Variants in ERC2 observed in about 807,000 individuals in gnomAD.
ERC2 encodes the protein ERC protein 2.
Under a neutral mutation model 114.8 loss-of-function variants are expected in ERC2, and 42 were observed. That is an observed-to-expected ratio of 0.37 (90% CI 0.29 to 0.47). The LOEUF is 0.47. Among genes scored for constraint, ERC2 ranks in the 20% least tolerant of loss-of-function variants. ERC2 has a pLI of 0.99. For missense variants in ERC2, 939 were observed against 1,150.7 expected, an observed-to-expected ratio of 0.82 and a Z score of 2.66; for synonymous variants, 454 against 425.5, an observed-to-expected ratio of 1.07 and a Z score of -0.82.
intron 12 of ERC2, among the ~76,000 whole-genome samples, chr3:55,977,385 C>T (rs1303464467): frequency 1.0e-5 from 1 of 95,566 alleles, no homozygotes; most frequent in Non-Finnish European, 2.2e-5. Context: ...AGATCAAAGA[C>T]AAACGTATCA....
chr3:56,101,944 G>T (rs1259184284), intron 6 of ERC2, among the ~76,000 whole-genome samples: 1 of 152,194 alleles, frequency 6.6e-6, no homozygotes, highest in Non-Finnish European at 1.5e-5. Context: ...ACCGGTGTTG[G>T]TGTTGGGAGC....
chr3:55,825,964 G>A (rs1410552648), intron 14 of ERC2, among the ~76,000 whole-genome samples: 1 of 149,302 alleles, frequency 6.7e-6, no homozygotes, highest in Non-Finnish European at 1.5e-5. Flanking sequence ...ACAAAAGAAG[G>A]AAGGAGAAAG....
intron 17 of ERC2, among the ~76,000 whole-genome samples, chr3:55,662,514 T>C (rs964738184): frequency 6.6e-6 from 1 of 152,262 alleles, no homozygotes; most frequent in Non-Finnish European, 1.5e-5. Context: ...AAATGAATTA[T>C]GTGTGCATTA....
At chr3:55,912,171 G>A (rs2064847857) in intron 13 of ERC2, among the ~76,000 whole-genome samples, 1 of 152,186 alleles carries the variant, frequency 6.6e-6, no homozygotes, top group South Asian at 2.1e-4. Flanking sequence ...ATAGTATGGG[G>A]TGTGGAGAGA....
chr3:55,977,087 C>T (rs892787980), intron 12 of ERC2, among the ~76,000 whole-genome samples: 9 of 152,330 alleles, frequency 5.9e-5, no homozygotes, highest in African/African-American at 2.2e-4. Flanking sequence ...ACTTTCCACT[C>T]TCCAGAACTG....
intron 16 of ERC2, among the ~76,000 whole-genome samples, chr3:55,691,155 G>A (rs909261971): frequency 3.3e-5 from 5 of 152,224 alleles, no homozygotes; most frequent in East Asian, 1.9e-4. Flanking sequence ...CACATATGCC[G>A]TCTGGCTCAC....
At chr3:56,222,549 G>T (rs932615010) in intron 3 of ERC2, among the ~76,000 whole-genome samples, 2 of 151,994 alleles carry the variant, frequency 1.3e-5, no homozygotes, top group Non-Finnish European at 2.9e-5. Context: ...GTGCTCTTGC[G>T]TACCACTGCC....
intron 14 of ERC2, among the ~76,000 whole-genome samples, chr3:55,830,477 A>G (rs12636001): frequency 0.36 from 54,115 of 152,086 alleles, 11,924 homozygotes; most frequent in African/African-American, 0.62. Flanking sequence ...AAATGATAAT[A>G]TTGTCTTGGG....
chr3:56,397,274 A>G (rs1400935669), intron 2 of ERC2, among the ~76,000 whole-genome samples: 1 of 151,914 alleles, frequency 6.6e-6, no homozygotes, highest in African/African-American at 2.4e-5. Flanking sequence ...AGTTGAGCCC[A>G]GTAGGCTAAG....
intron 13 of ERC2, among the ~76,000 whole-genome samples, chr3:55,892,219 G>C (rs1181716850): frequency 6.6e-6 from 1 of 152,184 alleles, no homozygotes; most frequent in Non-Finnish European, 1.5e-5. Context: ...TAAGAATAAA[G>C]TGTGGCCAGG....
chr3:55,810,657 A>C (rs2059686842), intron 14 of ERC2, among the ~76,000 whole-genome samples: 1 of 152,142 alleles, frequency 6.6e-6, no homozygotes, highest in Admixed American at 6.5e-5. Flanking sequence ...ACAGGGTTTC[A>C]CCATGTTGGC....
At chr3:55,846,687 CTCTCTTT>C (rs2061378622) in intron 14 of ERC2, among the ~76,000 whole-genome samples, 1 of 126,658 alleles carries the variant, frequency 7.9e-6, no homozygotes, top group African/African-American at 3.4e-5. Flanking sequence ...CTCTCTCTCT[CTCTCTTT>C]CTCTCTCTCT....
At chr3:56,271,407 T>C (rs1446942561) in intron 3 of ERC2, among the ~76,000 whole-genome samples, 5 of 152,342 alleles carry the variant, frequency 3.3e-5, no homozygotes, top group African/African-American at 4.8e-5. Context: ...TGTTCATATC[T>C]GGGTTCAAAT....
chr3:56,269,949 C>CA (rs1437753884), intron 3 of ERC2, among the ~76,000 whole-genome samples: 3 of 152,072 alleles, frequency 2.0e-5, no homozygotes, highest in Non-Finnish European at 2.9e-5. Context: ...TGAAGCACTG[C>CA]ATATGGACGC....
intron 17 of ERC2, among the ~76,000 whole-genome samples, chr3:55,595,015 C>T (rs921273481): frequency 6.6e-6 from 1 of 152,156 alleles, no homozygotes; most frequent in Non-Finnish European, 1.5e-5. Context: ...GAATGGTCCC[C>T]TACTAAGAAC....
At chr3:56,286,042 T>C (rs2054677817) in intron 3 of ERC2, among the ~76,000 whole-genome samples, 1 of 152,098 alleles carries the variant, frequency 6.6e-6, no homozygotes, top group African/African-American at 2.4e-5. Context: ...CTAAAAGAGG[T>C]GCAGACTTTC....
intron 7 of ERC2, among the ~76,000 whole-genome samples, chr3:56,066,119 A>G (rs1421667833): frequency 1.3e-5 from 2 of 152,142 alleles, no homozygotes; most frequent in African/African-American, 4.8e-5. Context: ...TTGAGGAATC[A>G]CCACTGTCTC....
At chr3:55,748,076 A>G (rs1037992343) in intron 14 of ERC2, among the ~76,000 whole-genome samples, 2 of 152,208 alleles carry the variant, frequency 1.3e-5, no homozygotes, top group Non-Finnish European at 2.9e-5. Context: ...TCTGGAAAGA[A>G]TCGCAAGGGA....
chr3:56,063,143 T>C lies in ERC2; in HGVS notation c.1641+17674A>G, dbSNP rs1000182644. ...TCTATCCATATACAGGATGATTCCATTTTTATGACATTCTAGAAAAGGCAA... is the reference window on the plus strand; with the variant it reads ...TCTATCCATATACAGGATGATTCCACTTTTATGACATTCTAGAAAAGGCAA... On this transcript the variant is annotated intron_variant, in intron 7 of 17. Transcript: ENST00000288221. 2.0e-5 allele frequency among the ~76,000 whole-genome samples: 3 copies of C among 152,172 alleles called. No individual in the cohort carries two copies. In the South Asian group the frequency reaches 6.2e-4, roughly 31 times the overall value.
Sources: allele counts gnomAD v4.1 joint callset (sites outside exome capture counted in the v4.1 genomes callset), GRCh38; gene constraint gnomAD v4.1.1; transcripts MANE v1.5; gene names NCBI Gene and HGNC (gene_info 2026-07-23, HGNC 2026-07-21).